Variants in EHBP1 observed in about 807,000 individuals in gnomAD.
EHBP1 encodes EH domain-binding protein 1.
A neutral mutation model predicts 144.0 loss-of-function variants in EHBP1; 55 were observed. The ratio of observed to expected loss-of-function variants is 0.38; its 90% confidence interval spans 0.31 to 0.48. The LOEUF (loss-of-function observed/expected upper bound fraction) is 0.48, where lower values mean the gene tolerates loss of function less well. Among genes scored for constraint, EHBP1 ranks in the 20% least tolerant of loss-of-function variants. EHBP1 has a pLI of 0.98. For missense variants in EHBP1, 1,200 were observed against 1,364.2 expected (o/e 0.88, Z 1.90); for synonymous variants, 469 against 472.7 (o/e 0.99, Z 0.10).
In EHBP1 at chr2:63,046,365, C is replaced by G. The variant is rs2061954398; in HGVS notation, c.*865C>G. 6.6e-6 allele frequency: 1 copy of G among 152,598 alleles called. No homozygotes were observed. 9.5% of individuals were successfully genotyped at this position (152,598 alleles called of 1,614,324 possible). On this transcript the variant is annotated 3_prime_UTR_variant, in exon 23 of 23. Coordinates refer to ENST00000431489, the MANE Select transcript of EHBP1 (RefSeq NM_001142616.3). ...TGTCTTGCCACTACAAGTAAATCCC[C>G]CATTTAATATTTTCTTCTTTAGCAT...
intron 10 of EHBP1, 102 bp downstream of exon 10, chr2:62,874,634 A>G: frequency 9.9e-7 from 1 of 1,010,686 alleles, no homozygotes; most frequent in Non-Finnish European, 1.5e-6. Flanking sequence ...ATTTTTGATG[A>G]TTTAAAAATA....
At chr2:62,757,659 C>G (rs1484077822) in intron 3 of EHBP1, among the ~76,000 whole-genome samples, 2 of 151,930 alleles carry the variant, frequency 1.3e-5, no homozygotes, top group Non-Finnish European at 2.9e-5. Flanking sequence ...GTCTCAAACT[C>G]CTGACCTCGA....
At chr2:62,821,613 G>A (rs1573531656) in intron 5 of EHBP1, among the ~76,000 whole-genome samples, 3 of 152,164 alleles carry the variant, frequency 2.0e-5, no homozygotes, top group Non-Finnish European at 2.9e-5. Flanking sequence ...CCTGTAGGTT[G>A]AGGCTGCAGT....
chr2:62,959,990 C>T (rs2057915541), intron 14 of EHBP1, among the ~76,000 whole-genome samples: 1 of 151,970 alleles, frequency 6.6e-6, no homozygotes, highest in Non-Finnish European at 1.5e-5. Flanking sequence ...ACTTGTGAGA[C>T]TTTTGTATTT....
rs533965226 is a variant in EHBP1 at position 62,893,917 on chromosome 2, C to T, written c.1185+19385C>T. ...AAAATTAGCTGAGTGTGATGGTGCACACCTATAATCCCAGCTAGTAGGGAG... is the reference window on the plus strand; with the variant it reads ...AAAATTAGCTGAGTGTGATGGTGCATACCTATAATCCCAGCTAGTAGGGAG... On this transcript the variant is annotated intron_variant, in intron 10 of 22. Coordinates refer to ENST00000431489, the MANE Select transcript of EHBP1 (RefSeq NM_001142616.3). Among the ~76,000 whole-genome samples, 3 of 152,174 alleles carry T rather than the reference C, an allele frequency of 2.0e-5. No individual in the cohort carries two copies. In the East Asian group the frequency reaches 5.8e-4, roughly 29 times the overall value.
At position 63,041,272 on chromosome 2, in the gene EHBP1, C is replaced by T. The variant is rs980485383; in HGVS notation, c.3277+2456C>T. ...ATAGCAGGAGTTTCATTCTACTGAA[C>T]TAAGTTGTAGGATCCCTCAAGCTAA... On this transcript the variant is annotated intron_variant, in intron 21 of 22. Transcript: ENST00000431489. Among the ~76,000 whole-genome samples, 6 of 152,286 alleles carry T rather than the reference C, an allele frequency of 3.9e-5. No homozygotes were observed. The South Asian group carries it at 1.2e-3, about 32-fold the overall frequency.
chr2:62,787,042 C>T (rs1260260199), intron 5 of EHBP1, among the ~76,000 whole-genome samples: 1 of 152,178 alleles, frequency 6.6e-6, no homozygotes, highest in Admixed American at 6.5e-5. Flanking sequence ...GGCTGTATTT[C>T]ATAGCCTTGC....
intron 19 of EHBP1, among the ~76,000 whole-genome samples, chr2:63,030,605 A>C (rs2061200690): frequency 6.6e-6 from 1 of 151,388 alleles, no homozygotes; most frequent in Admixed American, 6.6e-5. Flanking sequence ...CTCCTGCCTC[A>C]GCCTCCCAAG....
intron 7 of EHBP1, among the ~76,000 whole-genome samples, chr2:62,842,293 G>A (rs950274932): frequency 2.0e-5 from 3 of 152,100 alleles, no homozygotes; most frequent in Non-Finnish European, 4.4e-5. Context: ...CAGCATGTTG[G>A]CCAGGCTGGT....
intron 7 of EHBP1, among the ~76,000 whole-genome samples, chr2:62,845,369 G>A (rs918343731): frequency 6.6e-6 from 1 of 152,110 alleles, no homozygotes; most frequent in Non-Finnish European, 1.5e-5. Context: ...GTTAATTTGG[G>A]AGAAGGAAGA....
At chr2:62,939,848 G>C (rs1356406630) in intron 10 of EHBP1, 1 of 170,634 alleles carries the variant, frequency 5.9e-6, no homozygotes, top group Non-Finnish European at 1.3e-5. Flanking sequence ...TATGGTTTCA[G>C]GCATGATGGA....
At chr2:63,037,504 A>G (rs1331209212) in intron 19 of EHBP1, 31 bp from the exon 20 acceptor site, 7 of 1,470,400 alleles carry the variant, frequency 4.8e-6, no homozygotes, top group Admixed American at 3.6e-5. Context: ...TTAACATCGT[A>G]TAGTAAAAGG....
chr2:62,970,734 A>G (rs547850988), intron 14 of EHBP1, among the ~76,000 whole-genome samples: 4 of 152,286 alleles, frequency 2.6e-5, no homozygotes, highest in African/African-American at 9.6e-5. Context: ...ACAATTGAAT[A>G]AAGTTGGGGA....
Position 62,836,199 on chromosome 2 carries a change from G to A in EHBP1, c.634+5041G>A, listed in dbSNP as rs886303368. On this transcript the variant is annotated intron_variant, in intron 7 of 22. Coordinates refer to ENST00000431489, the MANE Select transcript of EHBP1 (RefSeq NM_001142616.3). The stretch of plus-strand genomic sequence containing the variant: ...GTCCCTGACCCCTGACCCCCGAGCA[G>A]CCTAACTGGGAGGCACCCCCCAGCA... Among the ~76,000 whole-genome samples the A allele has an allele frequency of 3.1e-4, 47 of 152,256 alleles. 1 individual carries two copies. Among genetic ancestry groups the A allele is most frequent in the African/African-American group, 1.1e-3 (45 of 41,562 alleles).
At chr2:62,876,845 C>G (rs2050925499) in intron 10 of EHBP1, among the ~76,000 whole-genome samples, 1 of 152,186 alleles carries the variant, frequency 6.6e-6, no homozygotes, top group Non-Finnish European at 1.5e-5. Context: ...CAGGTCCCTC[C>G]TCCAACATTG....
Position 62,813,260 on chromosome 2 carries a change from C to T in EHBP1, c.313-12827C>T, listed in dbSNP as rs139335274. 2.4e-4 allele frequency among the ~76,000 whole-genome samples: 36 copies of T among 152,104 alleles called. No homozygotes were observed. In the East Asian group the frequency reaches 6.6e-3, roughly 28 times the overall value. ...TGTGCTGCATCTCTGCAGGCTCAAC[C>T]GGTAGGCCTTAGTGGCATCCATGTG... On this transcript the variant is annotated intron_variant, in intron 5 of 22. Coordinates refer to ENST00000431489, the MANE Select transcript of EHBP1 (RefSeq NM_001142616.3).
chr2:62,826,255 G>A lies in EHBP1; in HGVS notation c.481G>A (p.Glu161Lys). The change falls in exon 6 of 23, where the codon GAA (glutamate) becomes AAA (lysine). Residue 161 changes from glutamate (E) to lysine (K), a missense_variant. Physicochemically the swap from Glu to Lys is moderately conservative, Grantham distance 56. This residue lies in a region of EHBP1 where 137 missense variants were observed against 190.1 expected (regional missense o/e 0.72). Coordinates refer to ENST00000431489, the MANE Select transcript of EHBP1 (RefSeq NM_001142616.3). The stretch of plus-strand genomic sequence containing the variant: ...TTCATTATCTTGCATTTTTCTGAGG[G>A]AAGGAAAAGCCACGTAAGTTTCTTT... ...QFSLSCIFLREGKATDEDMQS... is the reference protein window; with the variant it reads ...QFSLSCIFLRKGKATDEDMQS... 6.2e-7 allele frequency: 1 copy of A among 1,600,320 alleles called. No homozygotes were observed.
chr2:62,803,416 G>T (rs1290500095), intron 5 of EHBP1, among the ~76,000 whole-genome samples: 2 of 152,096 alleles, frequency 1.3e-5, no homozygotes, highest in Non-Finnish European at 2.9e-5. Context: ...TGATTGAAAT[G>T]CCTGTTTTTC....
chr2:62,961,530 T>C (rs960512056), intron 14 of EHBP1, among the ~76,000 whole-genome samples: 5 of 152,142 alleles, frequency 3.3e-5, no homozygotes, highest in Non-Finnish European at 7.4e-5. Context: ...GTGTTTTTCA[T>C]TTTTTTCCAC....
Sources: allele counts gnomAD v4.1 joint callset (sites outside exome capture counted in the v4.1 genomes callset), GRCh38; gene constraint gnomAD v4.1.1; regional missense constraint gnomAD v4.1.1; transcripts MANE v1.5; gene names NCBI Gene and HGNC (gene_info 2026-07-23, HGNC 2026-07-21).